Variants in NEBL observed in about 807,000 individuals in gnomAD.
NEBL encodes LIM and SH3 protein 2.
NEBL carries 122 observed loss-of-function variants against 140.2 expected under a neutral mutation model. The ratio of observed to expected loss-of-function variants is 0.87; its 90% CI spans 0.75 to 1.01. The LOEUF (loss-of-function observed/expected upper bound fraction) is 1.01, where lower values mean the gene tolerates loss of function less well. Ranked by LOEUF, NEBL falls within the 50% of genes least tolerant of loss-of-function variation. NEBL has a pLI of 0.00. For synonymous variants in NEBL, 436 were observed against 398.9 expected, an observed-to-expected ratio of 1.09 and a Z score of -1.11; for missense variants, 1,365 against 1,231.3, an observed-to-expected ratio of 1.11 and a Z score of -1.62.
chr10:21,183,875 C>T (rs373819800), intron 3 of NEBL, among the ~76,000 whole-genome samples: 13 of 152,096 alleles, frequency 8.5e-5, no homozygotes, highest in African/African-American at 3.1e-4. Context: ...ATGCTATTCT[C>T]GTGATAGTGA....
exon 1 of NEBL, chr10:21,174,094 C>T: frequency 1.0e-6 from 1 of 976,904 alleles, no homozygotes; most frequent in South Asian, 4.8e-5. Context: ...GGCTCTGCGT[C>T]GCTCGCACTC....
At chr10:21,100,938 G>C (rs968511517) in intron 2 of NEBL, among the ~76,000 whole-genome samples, 1 of 152,160 alleles carries the variant, frequency 6.6e-6, no homozygotes. Flanking sequence ...TTCTTTGTTT[G>C]TTTTAATCGA....
At chr10:21,273,971 C>T (rs959369314) in intron 1 of NEBL, among the ~76,000 whole-genome samples, 1 of 152,178 alleles carries the variant, frequency 6.6e-6, no homozygotes, top group Non-Finnish European at 1.5e-5. Context: ...GGAGACCCAT[C>T]TTTCAATGTT....
chr10:21,241,240 C>T (rs531167412), intron 3 of NEBL, among the ~76,000 whole-genome samples: 3 of 145,100 alleles, frequency 2.1e-5, no homozygotes, highest in African/African-American at 5.2e-5. Context: ...AACCCCGATG[C>T]CAGCAAAATA....
intron 1 of NEBL, among the ~76,000 whole-genome samples, chr10:21,288,208 A>G (rs947068502): frequency 6.6e-6 from 1 of 152,182 alleles, no homozygotes; most frequent in Non-Finnish European, 1.5e-5. Context: ...GGTGGCTAAC[A>G]CCTGTAATCC....
chr10:21,043,736 A>G (rs766219409), intron 2 of NEBL, among the ~76,000 whole-genome samples: 40 of 152,256 alleles, frequency 2.6e-4, no homozygotes, highest in Admixed American at 3.9e-4. Context: ...GGTCTCTCAA[A>G]TATTCATTTT....
chr10:20,904,868 C>T (rs1848024281), intron 4 of NEBL, among the ~76,000 whole-genome samples: 1 of 152,250 alleles, frequency 6.6e-6, no homozygotes, highest in African/African-American at 2.4e-5. Context: ...AGAGAGCAGG[C>T]TTGATCACTC....
At chr10:21,278,602 C>G (rs1336745192) in intron 1 of NEBL, among the ~76,000 whole-genome samples, 1 of 152,196 alleles carries the variant, frequency 6.6e-6, no homozygotes, top group African/African-American at 2.4e-5. Flanking sequence ...CAGAGACTCT[C>G]CACCTTCAGC....
chr10:21,215,215 A>C (rs1479354517), intron 3 of NEBL, among the ~76,000 whole-genome samples: 1 of 152,202 alleles, frequency 6.6e-6, no homozygotes, highest in Non-Finnish European at 1.5e-5. Context: ...GAGGTAGGGC[A>C]GGAGGATTTC....
At chr10:20,815,908 A>G in intron 21 of NEBL, 191 bp from the exon 22 acceptor site, 1 of 581,216 alleles carries the variant, frequency 1.7e-6, no homozygotes, top group Non-Finnish European at 3.1e-6. Flanking sequence ...AGCTGGGATT[A>G]CAGGCACCTG....
chr10:21,120,234 G>A (rs1838472331), intron 2 of NEBL, among the ~76,000 whole-genome samples: 1 of 151,212 alleles, frequency 6.6e-6, no homozygotes, highest in Non-Finnish European at 1.5e-5. Context: ...AATTAGCCCT[G>A]CATGATGGCA....
intron 2 of NEBL, among the ~76,000 whole-genome samples, chr10:21,032,584 T>A (rs1159812557): frequency 6.6e-6 from 1 of 152,208 alleles, no homozygotes; most frequent in East Asian, 1.9e-4. Context: ...ATAATTTTTT[T>A]AAAAGACGGT....
intron 25 of NEBL, among the ~76,000 whole-genome samples, chr10:20,809,387 T>C (rs1433809811): frequency 6.6e-6 from 1 of 152,188 alleles, no homozygotes; most frequent in Non-Finnish European, 1.5e-5. Flanking sequence ...TACTTGAAAA[T>C]TTATTTTAAG....
At chr10:21,247,438 T>A (rs1842532614) in intron 3 of NEBL, among the ~76,000 whole-genome samples, 1 of 152,136 alleles carries the variant, frequency 6.6e-6, no homozygotes, top group Non-Finnish European at 1.5e-5. Flanking sequence ...GGTAGCTGTC[T>A]GGGGTTGGAG....
chr10:21,029,282 C>G, intron 2 of NEBL: 4 of 1,604,850 alleles, frequency 2.5e-6, no homozygotes, highest in Non-Finnish European at 2.6e-6. Flanking sequence ...AAATCGCCAC[C>G]CTACACTTCT....
intron 3 of NEBL, among the ~76,000 whole-genome samples, chr10:21,189,883 C>T (rs1841545310): frequency 1.3e-5 from 2 of 152,162 alleles, no homozygotes; most frequent in Admixed American, 6.5e-5. Context: ...CATTCTGCTC[C>T]CCTGCTCAGA....
At chr10:21,233,896 ACATATATATG>A (rs1036571057) in intron 3 of NEBL, among the ~76,000 whole-genome samples, 29 of 135,916 alleles carry the variant, frequency 2.1e-4, no homozygotes, top group African/African-American at 6.9e-4. Flanking sequence ...GATATATATT[ACATATATATG>A]CATATATATG....
chr10:21,059,365 T>G (rs960390717), intron 2 of NEBL, among the ~76,000 whole-genome samples: 3 of 152,208 alleles, frequency 2.0e-5, no homozygotes, highest in African/African-American at 2.4e-5. Flanking sequence ...CATTAACAGA[T>G]GGACAATTAA....
chr10:21,291,003 C>A (rs180996331), intron 1 of NEBL, among the ~76,000 whole-genome samples: 5 of 152,316 alleles, frequency 3.3e-5, no homozygotes, highest in African/African-American at 1.2e-4. Flanking sequence ...CTCCTCACCG[C>A]TACACCCACA....
Sources: gnomAD v4.1 joint callset for allele counts (sites outside exome capture counted in the v4.1 genomes callset) on GRCh38, gnomAD v4.1.1 for gene constraint, MANE v1.5 for transcripts, NCBI Gene and HGNC (gene_info 2026-07-23, HGNC 2026-07-21) for gene names.